The following TMEM50A variants were observed in gnomAD, a reference collection of about 807,000 sequenced individuals.
The protein encoded by TMEM50A is cervical cancer oncogene 9.
TMEM50A carries 8 observed loss-of-function variants against 23.9 expected under a neutral mutation model. The ratio of observed to expected loss-of-function variants is 0.33; its 90% confidence interval spans 0.20 to 0.60. TMEM50A has a LOEUF of 0.60. TMEM50A is among the 20% of genes least tolerant of loss of function. TMEM50A has a pLI of 0.81. For missense variants in TMEM50A, 178 were observed against 192.7 expected (o/e 0.92, Z 0.45); for synonymous variants, 55 against 60.4 (o/e 0.91, Z 0.41).
intron 2 of TMEM50A, among the ~76,000 whole-genome samples, chr1:25,342,218 A>G (rs1471280618): frequency 6.6e-6 from 1 of 152,202 alleles, no homozygotes; most frequent in Non-Finnish European, 1.5e-5. Flanking sequence ...TAACTGAGTC[A>G]GGGTTTGGTG....
chr1:25,341,152 T>G (rs926301435), intron 2 of TMEM50A, among the ~76,000 whole-genome samples: 5 of 152,196 alleles, frequency 3.3e-5, no homozygotes, highest in Non-Finnish European at 5.9e-5. Context: ...GGATCTGCTA[T>G]TAGTTTTTTA....
At position 25,343,342 on chromosome 1, in the gene TMEM50A, CTG is replaced by C. The variant is rs570492380; in HGVS notation, c.206+273_206+274del. On this transcript the variant is annotated intron_variant, in intron 3 of 6. Transcript: ENST00000374358. ...TATAGCTTTATATTTAAGTCCGAAA[CTG>C]TGTATTTTGTCTAAGGGATAATTCT... 2.6e-4 allele frequency among the ~76,000 whole-genome samples: 39 copies of C among 152,194 alleles called. No individual in the cohort carries two copies. In the East Asian group the frequency reaches 6.4e-3, roughly 25 times the overall value.
chr1:25,342,877 G>A, intron 2 of TMEM50A, 84 bp from the exon 3 acceptor site: 1 of 1,055,190 alleles, frequency 9.5e-7, no homozygotes, highest in Admixed American at 2.5e-5. Flanking sequence ...GTATTAAAAG[G>A]GATCTCCTCA....
chr1:25,351,919 A>T (rs1398036376), intron 4 of TMEM50A, among the ~76,000 whole-genome samples: 1 of 152,196 alleles, frequency 6.6e-6, no homozygotes, highest in South Asian at 2.1e-4. Context: ...AAATGTATTT[A>T]TGCAAATTAA....
intron 3 of TMEM50A, among the ~76,000 whole-genome samples, chr1:25,345,120 C>CTT (rs775789415): frequency 5.1e-4 from 60 of 117,454 alleles, no homozygotes; most frequent in East Asian, 1.2e-3. Flanking sequence ...ACCACATCTT[C>CTT]TTTTTTTTTT....
Position 25,342,975 on chromosome 1 carries a change from G to C in TMEM50A, c.108G>C (p.Trp36Cys). 6.2e-7 allele frequency: 1 copy of C among 1,612,352 alleles called. No homozygotes were observed. The highest frequency in any genetic ancestry group is 8.5e-7 in the Non-Finnish European group (1 of 1,179,446). Residue 36 changes from tryptophan (W) to cysteine (C), a missense_variant, in exon 3 of 7, where the codon TGG becomes TGC. Transcript: ENST00000374358. ...IAAGVLFFTG[W>C]WIIIDAAVIY... The stretch of plus-strand genomic sequence containing the variant: ...CTTTGTTTTAGTTTTTTACAGGCTG[G>C]TGGATTATCATAGATGCAGCTGTTA...
chr1:25,340,042 T>C (rs1314518674), intron 1 of TMEM50A, among the ~76,000 whole-genome samples: 1 of 152,154 alleles, frequency 6.6e-6, no homozygotes. Flanking sequence ...GTTCAAGCGA[T>C]TCTCCTGCCT....
rs1050061254 is a variant in TMEM50A at position 25,338,415 on chromosome 1, C to G, written c.-55C>G. 6.5e-6 allele frequency: 1 copy of G among 153,692 alleles called. No individual in the cohort carries two copies. Among genetic ancestry groups the G allele is most frequent in the Non-Finnish European group, 1.4e-5 (1 of 69,312 alleles). The allele number at this position is 153,692 out of a possible 1,614,324, so 9.5% of individuals were successfully genotyped here. Reference sequence around the variant, plus strand: ...GGGGGAGTGAGGCGGGCCGGCGCGGCGCGACACCGGGCTCCGGAACCACTG... The same window carrying G: ...GGGGGAGTGAGGCGGGCCGGCGCGGGGCGACACCGGGCTCCGGAACCACTG... On this transcript the variant is annotated 5_prime_UTR_variant, in exon 1 of 7. Transcript: ENST00000374358.
chr1:25,355,477 ATGTC>A (rs759603463), intron 5 of TMEM50A, among the ~76,000 whole-genome samples: 16 of 152,216 alleles, frequency 1.1e-4, no homozygotes, highest in Non-Finnish European at 1.6e-4. Context: ...TTTTATAGGA[ATGTC>A]TTTATCTCAT....
intron 3 of TMEM50A, among the ~76,000 whole-genome samples, chr1:25,344,525 T>C (rs1645193999): frequency 6.6e-6 from 1 of 151,966 alleles, no homozygotes; most frequent in African/African-American, 2.4e-5. Flanking sequence ...TGTTATTTAG[T>C]ATTGTTTTTT....
intron 1 of TMEM50A, among the ~76,000 whole-genome samples, chr1:25,339,326 G>A (rs1250752958): frequency 6.6e-6 from 1 of 152,174 alleles, no homozygotes; most frequent in African/African-American, 2.4e-5. Context: ...GACAGCTTGG[G>A]TCGGCTATAT....
chr1:25,352,979 G>A lies in TMEM50A; in HGVS notation c.367+5G>A, dbSNP rs747838341. 6.2e-7 allele frequency: 1 copy of A among 1,608,658 alleles called. No homozygotes were observed. The highest frequency in any genetic ancestry group is 8.5e-7 in the Non-Finnish European group (1 of 1,177,608). On this transcript the variant is annotated splice_donor_5th_base_variant and intron_variant, in intron 5 of 6. Coordinates refer to ENST00000374358, the MANE Select transcript of TMEM50A (RefSeq NM_014313.4). ...TTGGAGGTTATGTTGCTAAAGGTAA[G>A]AGAAAACATAGGTTACAATTTACTT...
intron 4 of TMEM50A, 101 bp downstream of exon 4, chr1:25,351,794 G>T: frequency 1.0e-6 from 1 of 957,906 alleles, no homozygotes; most frequent in South Asian, 1.7e-5. Context: ...ATATATCTGT[G>T]AGTAACAGCT....
At chr1:25,359,381 C>T (rs1188835194) in intron 6 of TMEM50A, among the ~76,000 whole-genome samples, 2 of 152,082 alleles carry the variant, frequency 1.3e-5, no homozygotes, top group East Asian at 3.8e-4. Flanking sequence ...GCCTTAAGGA[C>T]AACTGTAGAC....
chr1:25,352,322 C>T (rs1645282556), intron 4 of TMEM50A, among the ~76,000 whole-genome samples: 1 of 151,892 alleles, frequency 6.6e-6, no homozygotes, highest in Non-Finnish European at 1.5e-5. Context: ...AGTGAAACCC[C>T]GTCTCTACTA....
rs1645300078 is a variant in TMEM50A at position 25,353,320 on chromosome 1, TCA to T, written c.367+348_367+349del. On this transcript the variant is annotated intron_variant, in intron 5 of 6. Transcript: ENST00000374358. ...TTTTTTAGAGACAAGAGTCTCACTATCACCCAGGCTGGAGTGCAATGGCATGA... is the reference window on the plus strand; with the variant it reads ...TTTTTTAGAGACAAGAGTCTCACTATCCCAGGCTGGAGTGCAATGGCATGA... 2.6e-5 allele frequency among the ~76,000 whole-genome samples: 4 copies of T among 152,310 alleles called. No homozygotes were observed. The South Asian group carries it at 8.3e-4, about 32-fold the overall frequency.
chr1:25,357,877 T>TCTGC (rs768104642), intron 6 of TMEM50A, among the ~76,000 whole-genome samples: 59 of 151,740 alleles, frequency 3.9e-4, no homozygotes, highest in Admixed American at 2.1e-3. Flanking sequence ...GATCTCGTGA[T>TCTGC]CTGCCTGCCT....
Position 25,352,154 on chromosome 1 carries a change from T to G in TMEM50A, c.274+461T>G, listed in dbSNP as rs565450247. On this transcript the variant is annotated intron_variant, in intron 4 of 6. Coordinates refer to ENST00000374358, the MANE Select transcript of TMEM50A (RefSeq NM_014313.4). ...TTGGAGATTCGTATGTCACTGAATA[T>G]GAATTTTTTACTGTATGTCTGTGTT... Among the ~76,000 whole-genome samples, 5 of 152,276 alleles carry G rather than the reference T, an allele frequency of 3.3e-5. No individual in the cohort carries two copies. The South Asian group carries it at 1.0e-3, about 32-fold the overall frequency.
intron 5 of TMEM50A, among the ~76,000 whole-genome samples, chr1:25,354,908 A>AT (rs1645317735): frequency 6.6e-6 from 1 of 151,654 alleles, no homozygotes; most frequent in Admixed American, 6.6e-5. Flanking sequence ...AGTAGCTGGG[A>AT]TTACAGGCGC....
Sources: allele counts gnomAD v4.1 joint callset (sites outside exome capture counted in the v4.1 genomes callset), GRCh38; gene constraint gnomAD v4.1.1; transcripts MANE v1.5; gene names NCBI Gene and HGNC (gene_info 2026-07-23, HGNC 2026-07-21).